The following SYNE1 variants were observed in gnomAD, a reference collection of about 807,000 sequenced individuals.
SYNE1 encodes nesprin-1.
SYNE1 carries 616 observed loss-of-function variants against 1,111.0 expected under a neutral mutation model. That is an observed-to-expected ratio of 0.55 (90% CI 0.52 to 0.59). The LOEUF (loss-of-function observed/expected upper bound fraction) is 0.59. SYNE1 is among the 20% of genes least tolerant of loss of function. SYNE1 has a pLI of 0.00. For missense variants in SYNE1, 10,006 were observed against 10,417.0 expected, an observed-to-expected ratio of 0.96 and a Z score of 1.72; for synonymous variants, 3,855 against 3,825.8, an observed-to-expected ratio of 1.01 and a Z score of -0.28.
chr6:152,271,745 A>G (rs201798838), intron 98 of SYNE1, among the ~76,000 whole-genome samples: 1 of 152,204 alleles, frequency 6.6e-6, no homozygotes, highest in East Asian at 1.9e-4. Flanking sequence ...ACCCATAGAA[A>G]ATGGCCTCAA....
At chr6:152,227,430 G>A (rs1016608224) in intron 115 of SYNE1, among the ~76,000 whole-genome samples, 13 of 152,042 alleles carry the variant, frequency 8.6e-5, no homozygotes, top group African/African-American at 2.7e-4. Context: ...AGACACTCAC[G>A]CATTTGGCAG....
In SYNE1 at chr6:152,164,272, A is replaced by G. The variant is rs2063156393; in HGVS notation, c.23681T>C (p.Met7894Thr). ...LVAVQQLDKN[M>T]SSLRTWLAHI... ...AGCGAGCCAGGTCCTCAGGCTGCTCATGTTCTTATCAAGCTGCTGCACGGC... is the reference window on the plus strand; with the variant it reads ...AGCGAGCCAGGTCCTCAGGCTGCTCGTGTTCTTATCAAGCTGCTGCACGGC... The change falls in exon 131 of 146, where the codon ATG becomes ACG. Residue 7894 changes from methionine (M) to threonine (T), a missense_variant. By Grantham distance (81) the Met-to-Thr change is moderately conservative. Coordinates refer to ENST00000367255, the MANE Select transcript of SYNE1 (RefSeq NM_182961.4). 5.0e-6 allele frequency: 8 copies of G among 1,614,128 alleles called. No individual in the cohort carries two copies. Among genetic ancestry groups the G allele is most frequent in the Admixed American group, 1.7e-5 (1 of 60,020 alleles).
chr6:152,383,247 T>TA (rs2097457822), intron 55 of SYNE1, among the ~76,000 whole-genome samples: 1 of 152,182 alleles, frequency 6.6e-6, no homozygotes, highest in South Asian at 2.1e-4. Context: ...GCTTTCTCAA[T>TA]AAAAAAGAGT....
chr6:152,601,504 T>C (rs2099595987), intron 3 of SYNE1, among the ~76,000 whole-genome samples: 1 of 151,864 alleles, frequency 6.6e-6, no homozygotes, highest in Non-Finnish European at 1.5e-5. Context: ...CTACACAAGG[T>C]GAGGAAACTT....
At chr6:152,143,597 G>A (rs779266199) in intron 138 of SYNE1, 26 bp downstream of exon 138, 20 of 1,613,968 alleles carry the variant, frequency 1.2e-5, no homozygotes, top group African/African-American at 1.1e-4. Context: ...CGCACAGGTC[G>A]GAATCAGGAT....
intron 11 of SYNE1, among the ~76,000 whole-genome samples, chr6:152,498,414 G>A (rs2099011060): frequency 1.3e-5 from 2 of 152,100 alleles, no homozygotes; most frequent in Non-Finnish European, 2.9e-5. Context: ...TTTATTTTCT[G>A]TGTCACATTT....
chr6:152,388,295 TAGTG>T (rs2097554738), intron 53 of SYNE1, among the ~76,000 whole-genome samples: 1 of 151,942 alleles, frequency 6.6e-6, no homozygotes, highest in Non-Finnish European at 1.5e-5. Context: ...ACCAAGGCTG[TAGTG>T]CTGTGGTGCA....
In SYNE1 at chr6:152,326,095, C is replaced by T. The variant is rs759275432; in HGVS notation, c.15301G>A (p.Ala5101Thr). The change falls in exon 80 of 146, where the codon GCT becomes ACT. Residue 5101 changes from alanine to threonine, a missense_variant. Ala to Thr is a moderately conservative substitution (Grantham distance 58, BLOSUM62 0). Transcript: ENST00000367255. Reference protein sequence around the residue: ...AQVDLLQRCTAQWHDYQKARE... With the variant: ...AQVDLLQRCTTQWHDYQKARE... ...GCTTTCTGGTAATCGTGCCATTGAG[C>T]TGTGCATCTTGAAAGAGTCCAACAG... 21 of 1,614,110 alleles carry T rather than the reference C, an allele frequency of 1.3e-5. No homozygotes were observed. Among genetic ancestry groups the T allele is most frequent in the Non-Finnish European group, 1.8e-5 (21 of 1,180,032 alleles).
intron 98 of SYNE1, among the ~76,000 whole-genome samples, chr6:152,273,118 C>T (rs2093332460): frequency 1.3e-5 from 2 of 152,150 alleles, no homozygotes; most frequent in Admixed American, 1.3e-4. Context: ...TGTAGTAAAA[C>T]ACTACCACAT....
rs1380424994 is a variant in SYNE1 at position 152,152,060 on chromosome 6, G to A, written c.24211C>T (p.Arg8071Cys). The A allele has an allele frequency of 2.5e-6, 4 of 1,614,050 alleles. No individual in the cohort carries two copies. The highest frequency in any genetic ancestry group is 1.7e-5 in the Admixed American group (1 of 59,992). The change falls in exon 134 of 146, where the codon CGC becomes TGC. Residue 8071 changes from arginine (R) to cysteine (C), a missense_variant. By Grantham distance (180) the Arg-to-Cys change is radical. Transcript: ENST00000367255. Reference protein sequence around the residue: ...KQYRRLARENRTDSACSLKQM... With the variant: ...KQYRRLARENCTDSACSLKQM... ...TTGAGGCTACATGCTGAATCAGTGC[G>A]GTTCTCCCTGGCCAGGCGGCGGTAC...
rs746715375 is a variant in SYNE1 at position 152,330,374 on chromosome 6, T to C, written c.14311A>G (p.Ser4771Gly). ...RLKRQTEQRV[S>G]LLEDTTSAYQ... ...GCACTGGTGGTGTCTTCTAATAAGC[T>C]AACCCTCTGTTCTGTTTGTCGCTTC... Residue 4771 changes from serine (S) to glycine (G), a missense_variant, in exon 78 of 146, where the codon AGC (serine) becomes GGC (glycine). This residue lies in a region of SYNE1 where 4,955 missense variants were observed against 5,017.2 expected (regional missense o/e 0.99). Coordinates refer to ENST00000367255, the MANE Select transcript of SYNE1 (RefSeq NM_182961.4). The C allele has an allele frequency of 2.5e-6, 4 of 1,614,154 alleles. No homozygotes were observed. In the South Asian group the frequency reaches 4.4e-5, roughly 18 times the overall value.
In SYNE1 at chr6:152,487,991, T is replaced by C. The variant is rs550658482; in HGVS notation, c.1047+405A>G. Among the ~76,000 whole-genome samples the C allele has an allele frequency of 6.6e-5, 10 of 150,810 alleles. No homozygotes were observed. The South Asian group carries it at 2.1e-3, about 31-fold the overall frequency. ...TCAGGAGGCTGAGGCAGGAGAATGG[T>C]GTGAACCCAGGAGGCAGAGCTTGCA... On this transcript the variant is annotated intron_variant, in intron 12 of 145. Coordinates refer to ENST00000367255, the MANE Select transcript of SYNE1 (RefSeq NM_182961.4).
chr6:152,400,473 G>A (rs2097795589), intron 47 of SYNE1, among the ~76,000 whole-genome samples: 1 of 152,012 alleles, frequency 6.6e-6, no homozygotes, highest in Non-Finnish European at 1.5e-5. Context: ...AGACCAGCCT[G>A]GCCAACATGA....
chr6:152,611,537 G>T (rs547576451), intron 3 of SYNE1, among the ~76,000 whole-genome samples: 1 of 151,878 alleles, frequency 6.6e-6, no homozygotes, highest in Non-Finnish European at 1.5e-5. Flanking sequence ...GACTCCCACA[G>T]AATAATAATG....
chr6:152,324,519 C>T (rs954679603), intron 81 of SYNE1, among the ~76,000 whole-genome samples: 4 of 151,682 alleles, frequency 2.6e-5, no homozygotes, highest in African/African-American at 9.7e-5. Flanking sequence ...ATGGGCCGGG[C>T]GCGGTGGCTC....
intron 3 of SYNE1, among the ~76,000 whole-genome samples, chr6:152,556,301 C>T (rs936931540): frequency 3.9e-5 from 6 of 152,182 alleles, no homozygotes; most frequent in Non-Finnish European, 8.8e-5. Flanking sequence ...CTTCCCAAGC[C>T]TGTACTGCAT....
chr6:152,252,656 G>A (rs2089669139), intron 104 of SYNE1, among the ~76,000 whole-genome samples: 1 of 152,176 alleles, frequency 6.6e-6, no homozygotes, highest in Non-Finnish European at 1.5e-5. Flanking sequence ...GGTGTTTGGT[G>A]CAAAGTTAAA....
intron 4 of SYNE1, 77 bp downstream of exon 4, chr6:152,539,883 C>G: frequency 6.9e-7 from 1 of 1,447,052 alleles, no homozygotes; most frequent in African/African-American, 1.4e-5. Context: ...GGGACAGAAG[C>G]ATTTTGTTAT....
At chr6:152,577,406 G>A (rs547432388) in intron 3 of SYNE1, among the ~76,000 whole-genome samples, 1 of 152,336 alleles carries the variant, frequency 6.6e-6, no homozygotes, top group South Asian at 2.1e-4. Flanking sequence ...GCCGAGGCGG[G>A]TGGATCACAA....
Sources: gnomAD v4.1 joint callset for allele counts (sites outside exome capture counted in the v4.1 genomes callset) on GRCh38, gnomAD v4.1.1 for gene constraint, gnomAD v4.1.1 regional missense constraint, MANE v1.5 for transcripts, NCBI Gene and HGNC (gene_info 2026-07-23, HGNC 2026-07-21) for gene names.